SCN2A: variants seen among roughly 807,000 people sequenced by gnomAD.
SCN2A encodes sodium voltage-gated channel alpha subunit 2.
SCN2A carries 20 observed loss-of-function variants against 188.7 expected under a neutral mutation model. That is an observed-to-expected ratio of 0.11 (90% CI 0.07 to 0.15). SCN2A has a LOEUF of 0.15. Among genes scored for constraint, SCN2A ranks in the 10% least tolerant of loss-of-function variants. SCN2A has a pLI of 1.00. For synonymous variants in SCN2A, 804 were observed against 833.1 expected, an observed-to-expected ratio of 0.97 and a Z score of 0.60; for missense variants, 1,278 against 2,445.0, an observed-to-expected ratio of 0.52 and a Z score of 10.07.
intron 21 of SCN2A, 43 bp downstream of exon 21, chr2:165,373,390 A>T (rs1423789182): frequency 6.2e-7 from 1 of 1,608,910 alleles, no homozygotes; most frequent in African/African-American, 1.3e-5. Flanking sequence ...TATTATTGAG[A>T]GCAGACTGAC....
At chr2:165,291,484 T>C (rs1696155448) in intron 1 of SCN2A, among the ~76,000 whole-genome samples, 1 of 57,402 alleles carries the variant, frequency 1.7e-5, no homozygotes, top group Non-Finnish European at 3.8e-5. Flanking sequence ...CTTTCTTTCT[T>C]TCTTTCTTTT....
At position 165,358,403 on chromosome 2, in the gene SCN2A, G is replaced by A. The variant is rs138722215; in HGVS notation, c.3399+3732G>A. Among the ~76,000 whole-genome samples, 8 of 152,178 alleles carry A rather than the reference G, an allele frequency of 5.3e-5. 1 individual carries two copies. The highest frequency in any genetic ancestry group is 1.7e-4 in the African/African-American group (7 of 41,530). ...AATGTAAATGAATAGGAATGTCTGT[G>A]TTTCAGTTGCTAGCAGCATGGGTAT... On this transcript the variant is annotated intron_variant, in intron 17 of 26. Coordinates refer to ENST00000375437, the MANE Select transcript of SCN2A (RefSeq NM_001040142.2).
chr2:165,319,224 C>G (rs1220598447), intron 11 of SCN2A, among the ~76,000 whole-genome samples: 1 of 152,086 alleles, frequency 6.6e-6, no homozygotes, highest in Non-Finnish European at 1.5e-5. Context: ...GTAGTCCCAG[C>G]TGCTCGGGAG....
intron 17 of SCN2A, among the ~76,000 whole-genome samples, chr2:165,356,369 G>A (rs946391727): frequency 1.6e-4 from 24 of 152,146 alleles, no homozygotes; most frequent in Non-Finnish European, 3.1e-4. Context: ...TTTTGAACAA[G>A]TGTTGTTACA....
intron 17 of SCN2A, among the ~76,000 whole-genome samples, chr2:165,360,268 T>A (rs980941153): frequency 1.3e-5 from 2 of 152,006 alleles, no homozygotes; most frequent in African/African-American, 4.8e-5. Context: ...TCATTATTTT[T>A]GAAAATAATT....
At position 165,339,152 on chromosome 2, in the gene SCN2A, C is replaced by T. The variant is rs141221564; in HGVS notation, c.2389-3144C>T. 3.8e-3 allele frequency among the ~76,000 whole-genome samples: 582 copies of T among 151,506 alleles called. 5 individuals are homozygous for T. In the East Asian group the frequency reaches 0.048, roughly 12 times the overall value. On this transcript the variant is annotated intron_variant, in intron 14 of 26. Transcript: ENST00000375437. ...AGGAGAATTGCTTGAACCCGGGAGGCGGAGGTTGCAGTGAGCCGAGATTAA... is the reference window on the plus strand; with the variant it reads ...AGGAGAATTGCTTGAACCCGGGAGGTGGAGGTTGCAGTGAGCCGAGATTAA...
chr2:165,350,228 G>A (rs760405016), intron 16 of SCN2A, among the ~76,000 whole-genome samples: 2 of 152,204 alleles, frequency 1.3e-5, no homozygotes, highest in Non-Finnish European at 2.9e-5. Flanking sequence ...TAGCACACAG[G>A]AGGGATGTGA....
At position 165,389,951 on chromosome 2, in the gene SCN2A, A is replaced by C; in HGVS notation, c.*127A>C. Reference sequence around the variant, plus strand: ...GACTGTTTTTACAAATGTATACTTAAGGTCAGTGCCTATAACAAGACAGAG... The same window carrying C: ...GACTGTTTTTACAAATGTATACTTACGGTCAGTGCCTATAACAAGACAGAG... On this transcript the variant is annotated 3_prime_UTR_variant, in exon 27 of 27. Transcript: ENST00000375437. The surrounding 1 kb of genome is among the most constrained non-coding windows in gnomAD (Gnocchi z 4.2). 1 of 1,455,068 alleles carries C rather than the reference A, an allele frequency of 6.9e-7. No individual in the cohort carries two copies. The allele number at this position is 1,455,068 out of a possible 1,614,324, so 90.1% of individuals were successfully genotyped here. A position where few individuals can be genotyped will look rare whatever the true frequency, so the allele number is the denominator to read the frequency against.
At chr2:165,318,993 GAAC>G (rs1467384059) in intron 11 of SCN2A, among the ~76,000 whole-genome samples, 12 of 152,186 alleles carry the variant, frequency 7.9e-5, no homozygotes, top group East Asian at 1.9e-4. Flanking sequence ...AAAAGCATGG[GAAC>G]AACAAGAGGA....
intron 20 of SCN2A, chr2:165,372,928 A>T (rs1701117076): frequency 3.8e-6 from 1 of 260,308 alleles, no homozygotes; most frequent in Non-Finnish European, 7.4e-6. Flanking sequence ...TTAATTTTTT[A>T]AAAACATTTC....
rs755866488 is a variant in SCN2A at position 165,369,143 on chromosome 2, G to A, written c.3676-983G>A. ...TGGGTTTTGCCATCTTGGCCAGGCT[G>A]GTCTCGAACTCCTGGCCTCAAGAGA... On this transcript the variant is annotated intron_variant, in intron 19 of 26. Transcript: ENST00000375437. 2.0e-4 allele frequency among the ~76,000 whole-genome samples: 30 copies of A among 152,188 alleles called. 1 individual carries two copies. Among genetic ancestry groups the A allele is most frequent in the Admixed American group, 4.6e-4 (7 of 15,284 alleles).
In SCN2A at chr2:165,338,261, C is replaced by CTTT. The variant is rs71028478; in HGVS notation, c.2389-4021_2389-4019dup. The stretch of plus-strand genomic sequence containing the variant: ...GTGTAAAATTATGAAAAGATTTGAA[C>CTTT]TTTTTTTTTTTTTTTTGAGACGGAG... On this transcript the variant is annotated intron_variant, in intron 14 of 26. Transcript: ENST00000375437. Among the ~76,000 whole-genome samples, 317 of 139,250 alleles carry CTTT rather than the reference C, an allele frequency of 2.3e-3. 10 individuals carry two copies. Among genetic ancestry groups the CTTT allele is most frequent in the East Asian group, 0.012 (58 of 4,854 alleles). 91.4% of individuals were successfully genotyped at this position (139,250 alleles called of 152,430 possible). A position where few individuals can be genotyped will look rare whatever the true frequency, so the allele number is the denominator to read the frequency against.
At chr2:165,302,374 A>T (rs1394758854) in intron 3 of SCN2A, among the ~76,000 whole-genome samples, 3 of 152,146 alleles carry the variant, frequency 2.0e-5, no homozygotes, top group Non-Finnish European at 2.9e-5. Context: ...TCTACTTCAA[A>T]TTATCCATTT....
chr2:165,289,421 T>G (rs1695998818), intron 1 of SCN2A, among the ~76,000 whole-genome samples: 1 of 152,138 alleles, frequency 6.6e-6, no homozygotes, highest in Non-Finnish European at 1.5e-5. Flanking sequence ...TTAAGATTTT[T>G]TATTTTCTGA....
At chr2:165,342,165 G>C in intron 14 of SCN2A, 131 bp from the exon 15 acceptor site, 3 of 742,166 alleles carry the variant, frequency 4.0e-6, no homozygotes, top group Non-Finnish European at 6.9e-6. Context: ...TAGATACTAA[G>C]TTGTTGGACC....
intron 17 of SCN2A, among the ~76,000 whole-genome samples, chr2:165,364,450 A>G (rs2105354426): frequency 6.6e-6 from 1 of 152,330 alleles, no homozygotes; most frequent in South Asian, 2.1e-4. Flanking sequence ...AAGAACAACT[A>G]AATATTCATT....
intron 1 of SCN2A, among the ~76,000 whole-genome samples, chr2:165,256,330 C>A (rs188669743): frequency 6.6e-6 from 1 of 152,034 alleles, no homozygotes. Context: ...AAATACTATT[C>A]CATAATCCTG....
rs142949145 is a variant in SCN2A, at chr2:165,293,407, G to A, written c.-51-2366G>A. Among the ~76,000 whole-genome samples the A allele has an allele frequency of 1.3e-4, 20 of 152,220 alleles. No homozygotes were observed. In the East Asian group the frequency reaches 3.9e-3, roughly 29 times the overall value. On this transcript the variant is annotated intron_variant, in intron 1 of 26. Transcript: ENST00000375437. Reference sequence around the variant, plus strand: ...ATAGAGTGTACGTAAAACCTAGATGGTAGAGCCTATTACACAACTAGGTTA... The same window carrying A: ...ATAGAGTGTACGTAAAACCTAGATGATAGAGCCTATTACACAACTAGGTTA...
chr2:165,300,732 A>G (rs1696765580), intron 3 of SCN2A, among the ~76,000 whole-genome samples: 2 of 152,150 alleles, frequency 1.3e-5, no homozygotes, highest in African/African-American at 4.8e-5. Flanking sequence ...GTGGGAGTGA[A>G]GGTCAGGGGC....
Sources: allele counts gnomAD v4.1 joint callset (sites outside exome capture counted in the v4.1 genomes callset), GRCh38; gene constraint gnomAD v4.1.1; non-coding constraint Gnocchi (gnomAD v3.1); transcripts MANE v1.5; gene names NCBI Gene and HGNC (gene_info 2026-07-23, HGNC 2026-07-21).